Variants in RPL24 observed in about 807,000 individuals in gnomAD.
The protein encoded by RPL24 is ribosomal protein L24.
In RPL24, 7 loss-of-function variants were observed where a neutral mutation model predicts 26.4. That is an observed-to-expected ratio of 0.27 (90% CI 0.15 to 0.50). The LOEUF (loss-of-function observed/expected upper bound fraction) is 0.50. Among genes scored for constraint, RPL24 ranks in the 20% least tolerant of loss-of-function variants. The pLI, the probability that RPL24 is intolerant of heterozygous loss-of-function variation, is 0.98. For synonymous variants in RPL24, 67 were observed against 65.2 expected, an observed-to-expected ratio of 1.03 and a Z score of -0.13; for missense variants, 109 against 194.9, an observed-to-expected ratio of 0.56 and a Z score of 2.62.
chr3:101,682,927 G>A lies in RPL24; in HGVS notation c.193-20C>T. 2 of 1,610,366 alleles carry A rather than the reference G, an allele frequency of 1.2e-6. No individual in the cohort carries two copies. Among genetic ancestry groups the A allele is most frequent in the South Asian group, 2.2e-5 (2 of 90,660 alleles). On this transcript the variant is annotated intron_variant, in intron 3 of 5. Coordinates refer to ENST00000394077, the MANE Select transcript of RPL24 (RefSeq NM_000986.4). ...TTCTTCCTGCAAAACAAAGATGAGG[G>A]GCACACTTAGGAACCTTCCTTCAAG...
At chr3:101,681,253 T>C (rs746020976) in intron 5 of RPL24, 38 bp from the exon 6 acceptor site, 4 of 1,431,580 alleles carry the variant, frequency 2.8e-6, no homozygotes, top group Non-Finnish European at 2.0e-6. Context: ...CACAAAACTT[T>C]TGTTACCCTA....
In RPL24 at chr3:101,686,398, G is replaced by A. The variant is rs986956801; in HGVS notation, c.81+84C>T. ...CTTCCAGAGGCCAGTGGTGATGTGG[G>A]GAATAAACCCGCCTAAACCGAATTA... is the stretch of plus-strand genomic sequence containing the variant. On this transcript the variant is annotated intron_variant, in intron 2 of 5. Coordinates refer to ENST00000394077, the MANE Select transcript of RPL24 (RefSeq NM_000986.4). The A allele has an allele frequency of 9.1e-6, 11 of 1,203,976 alleles. No individual in the cohort carries two copies. The African/African-American group carries it at 1.5e-4, about 17-fold the overall frequency. The allele number at this position is 1,203,976 out of a possible 1,614,324, so 74.6% of individuals were successfully genotyped here.
chr3:101,683,154 T>C (rs1398239370), intron 3 of RPL24, among the ~76,000 whole-genome samples: 1 of 152,248 alleles, frequency 6.6e-6, no homozygotes, highest in Non-Finnish European at 1.5e-5. Context: ...AAAATGGTTA[T>C]TCCATGAACT....
rs1937348194 is a variant in RPL24, at chr3:101,686,652, G to A, written c.5+20C>T. The stretch of plus-strand genomic sequence containing the variant: ...CTGCCCGAGGATGTAAGCGGATTGG[G>A]AACCACGGGTCGTGCTTACTTCATG... On this transcript the variant is annotated intron_variant, in intron 1 of 5. Coordinates refer to ENST00000394077, the MANE Select transcript of RPL24 (RefSeq NM_000986.4). 2 of 1,614,220 alleles carry A rather than the reference G, an allele frequency of 1.2e-6. No homozygotes were observed. The highest frequency in any genetic ancestry group is 1.7e-6 in the Non-Finnish European group (2 of 1,180,000).
At position 101,686,567 on chromosome 3, in the gene RPL24, AAAGTG is replaced by A. The variant is rs1405171183; in HGVS notation, c.6-15_6-11del. On this transcript the variant is annotated splice_polypyrimidine_tract_variant and intron_variant, in intron 1 of 5. Transcript: ENST00000394077. ...ACTGCACAGCTCGACCCTGCAACAA[AAAGTG>A]AAAGTCCATCAGGGAGGGTGTCTAC... 6.2e-7 allele frequency: 1 copy of A among 1,614,094 alleles called. No individual in the cohort carries two copies. The highest frequency in any genetic ancestry group is 8.5e-7 in the Non-Finnish European group (1 of 1,180,038).
chr3:101,685,772 G>T, intron 3 of RPL24, 46 bp downstream of exon 3: 2 of 1,101,236 alleles, frequency 1.8e-6, no homozygotes, highest in South Asian at 1.4e-5. Flanking sequence ...AGAGAGCTTT[G>T]ACAACTTAAG....
Position 101,682,751 on chromosome 3 carries a change from A to AT in RPL24, c.329+19dup, listed in dbSNP as rs529427821. The AT allele has an allele frequency of 1.8e-4, 290 of 1,609,492 alleles. 3 individuals carry two copies. In the East Asian group the frequency reaches 3.7e-3, roughly 21 times the overall value. Reference sequence around the variant, plus strand: ...ATCCATCCGAATAGGTAAAATGCTCATAATGAAAGCATTCCTCACCTGATA... The same window carrying AT: ...ATCCATCCGAATAGGTAAAATGCTCATTAATGAAAGCATTCCTCACCTGATA... On this transcript the variant is annotated intron_variant, in intron 4 of 5. Transcript: ENST00000394077.
chr3:101,683,707 CTTTTTTTTTT>C (rs541871888), intron 3 of RPL24, among the ~76,000 whole-genome samples: 2 of 130,852 alleles, frequency 1.5e-5, no homozygotes, highest in African/African-American at 5.6e-5. Flanking sequence ...TTTTTCTTTT[CTTTTTTTTTT>C]TTTTTTTTAA....
intron 3 of RPL24, among the ~76,000 whole-genome samples, chr3:101,684,726 T>C (rs1937309272): frequency 8.3e-6 from 1 of 119,954 alleles, no homozygotes; most frequent in Admixed American, 1.2e-4. Flanking sequence ...TGGAGTGAGC[T>C]GTGATCCTGC....
At chr3:101,686,057 G>T in intron 2 of RPL24, 129 bp from the exon 3 acceptor site, 1 of 633,238 alleles carries the variant, frequency 1.6e-6, no homozygotes. Context: ...AGGCCCACAA[G>T]GACCAAAAGG....
chr3:101,686,685 C>G lies in RPL24; in HGVS notation c.-9G>C, dbSNP rs760312635. The G allele has an allele frequency of 2.5e-6, 4 of 1,614,250 alleles. No homozygotes were observed. Among genetic ancestry groups the G allele is most frequent in the Non-Finnish European group, 3.4e-6 (4 of 1,180,040 alleles). On this transcript the variant is annotated 5_prime_UTR_variant, in exon 1 of 6. Coordinates refer to ENST00000394077, the MANE Select transcript of RPL24 (RefSeq NM_000986.4). ...GGTCGTGCTTACTTCATGGCGACAGCTCCACGGAAAGACAAAAGATGGCGA... is the reference window on the plus strand; with the variant it reads ...GGTCGTGCTTACTTCATGGCGACAGGTCCACGGAAAGACAAAAGATGGCGA...
intron 3 of RPL24, among the ~76,000 whole-genome samples, chr3:101,685,194 A>G (rs894671892): frequency 6.6e-6 from 1 of 151,772 alleles, no homozygotes; most frequent in Non-Finnish European, 1.5e-5. Flanking sequence ...TTTCCTGAAT[A>G]GTCACCCTAA....
At chr3:101,682,738 A>T in intron 4 of RPL24, 33 bp downstream of exon 4, 1 of 1,601,158 alleles carries the variant, frequency 6.2e-7, no homozygotes, top group African/African-American at 1.3e-5. Context: ...CCATCCGAAT[A>T]GGTAAAATGC....
intron 3 of RPL24, among the ~76,000 whole-genome samples, chr3:101,684,447 CA>C (rs1270993238): frequency 6.6e-6 from 1 of 152,052 alleles, no homozygotes; most frequent in African/African-American, 2.4e-5. Context: ...GGATTACAGG[CA>C]TGTAAGCCAC....
At position 101,685,717 on chromosome 3, in the gene RPL24, C is replaced by G. The variant is rs141360474; in HGVS notation, c.192+101G>C. The G allele has an allele frequency of 6.9e-3, 4,246 of 618,988 alleles. 24 individuals carry two copies. Among genetic ancestry groups the G allele is most frequent in the Non-Finnish European group, 9.4e-3 (3,186 of 340,514 alleles). 38.3% of individuals were successfully genotyped at this position (618,988 alleles called of 1,614,324 possible). A position where few individuals can be genotyped will look rare whatever the true frequency, so the allele number is the denominator to read the frequency against. On this transcript the variant is annotated intron_variant, in intron 3 of 5. Transcript: ENST00000394077. ...ACGCTTTACAGTTTAAGAGCTCTTT[C>G]GCATACAGTCTGATTTAATTTTACA...
Position 101,682,444 on chromosome 3 carries a change from T to C in RPL24, c.378A>G (p.Ala126=). Residue 126 remains alanine (A), a synonymous_variant, in exon 5 of 6, where the codon GCA becomes GCG. Coordinates refer to ENST00000394077, the MANE Select transcript of RPL24 (RefSeq NM_000986.4). ...KKAKQASKKT[A]MAAAKAPTKA... ...CCATAATTACCTTAGCAGCAGCCAT[T>C]GCAGTCTTTTTAGATGCTTGCTTAG... 1 of 1,613,596 alleles carries C rather than the reference T, an allele frequency of 6.2e-7. No homozygotes were observed. Among genetic ancestry groups the C allele is most frequent in the Non-Finnish European group, 8.5e-7 (1 of 1,179,456 alleles).
intron 3 of RPL24, among the ~76,000 whole-genome samples, chr3:101,683,488 T>A (rs544139505): frequency 2.2e-4 from 34 of 152,178 alleles, no homozygotes; most frequent in Non-Finnish European, 4.3e-4. Flanking sequence ...TTAAAAACTT[T>A]TAACAAAAAT....
chr3:101,682,540 G>T, intron 4 of RPL24, 48 bp from the exon 5 acceptor site: 1 of 1,456,346 alleles, frequency 6.9e-7, no homozygotes, highest in Non-Finnish European at 9.6e-7. Context: ...CTCCTTAGTG[G>T]TACAACTTAT....
intron 3 of RPL24, among the ~76,000 whole-genome samples, chr3:101,684,842 C>T (rs921846521): frequency 5.9e-5 from 8 of 134,652 alleles, no homozygotes; most frequent in Admixed American, 2.3e-4. Flanking sequence ...ACATTCATAG[C>T]GCTGTGTAGC....
Sources: allele counts gnomAD v4.1 joint callset (sites outside exome capture counted in the v4.1 genomes callset), GRCh38; gene constraint gnomAD v4.1.1; transcripts MANE v1.5; gene names NCBI Gene and HGNC (gene_info 2026-07-23, HGNC 2026-07-21).